The following ATF6 variants were observed in gnomAD, a reference collection of about 807,000 sequenced individuals.
The protein encoded by ATF6 is activating transcription factor 6.
Under a neutral mutation model 83.6 loss-of-function variants are expected in ATF6, and 53 were observed. The ratio of observed to expected loss-of-function variants is 0.63; its 90% CI spans 0.51 to 0.80. The LOEUF is 0.80. Ranked by LOEUF, ATF6 falls within the 30% of genes least tolerant of loss-of-function variation. The probability of loss-of-function intolerance (pLI) is 0.00; values close to 1 mark genes in which losing one functional copy is unlikely to be tolerated. For synonymous variants in ATF6, 288 were observed against 285.8 expected, an observed-to-expected ratio of 1.01 and a Z score of -0.08; for missense variants, 744 against 797.9, an observed-to-expected ratio of 0.93 and a Z score of 0.81.
intron 15 of ATF6, among the ~76,000 whole-genome samples, chr1:161,920,316 A>C (rs1449691744): frequency 3.3e-4 from 1 of 3,026 alleles, no homozygotes; most frequent in Non-Finnish European, 1.6e-3. Flanking sequence ...TTTTTTTGAG[A>C]CAGAGTCTCG....
chr1:161,793,929 A>G (rs1684944950), intron 6 of ATF6, among the ~76,000 whole-genome samples: 1 of 152,066 alleles, frequency 6.6e-6, no homozygotes, highest in Non-Finnish European at 1.5e-5. Context: ...TTTATTTGAG[A>G]CAGAGTCTCG....
intron 15 of ATF6, among the ~76,000 whole-genome samples, chr1:161,933,017 TC>T (rs1688464958): frequency 6.6e-6 from 1 of 152,202 alleles, no homozygotes; most frequent in Non-Finnish European, 1.5e-5. Flanking sequence ...AGCCATAGTA[TC>T]TTTGTAACCT....
intron 9 of ATF6, among the ~76,000 whole-genome samples, chr1:161,838,378 A>G (rs1686273648): frequency 6.6e-6 from 1 of 152,224 alleles, no homozygotes. Flanking sequence ...CTAAACGCTT[A>G]AGACAACAGC....
intron 14 of ATF6, among the ~76,000 whole-genome samples, chr1:161,882,885 A>G (rs1160828496): frequency 6.6e-6 from 1 of 151,916 alleles, no homozygotes; most frequent in African/African-American, 2.4e-5. Context: ...TTAACACATA[A>G]TAGGTATTCA....
At chr1:161,898,830 G>A (rs1417515228) in intron 14 of ATF6, among the ~76,000 whole-genome samples, 4 of 152,184 alleles carry the variant, frequency 2.6e-5, no homozygotes, top group Admixed American at 1.3e-4. Context: ...TTACAGGTGT[G>A]AGCCACCGTG....
At chr1:161,863,102 A>T (rs1686919240) in intron 13 of ATF6, 96 bp from the exon 14 acceptor site, 1 of 645,030 alleles carries the variant, frequency 1.6e-6, no homozygotes, top group African/African-American at 1.9e-5. Context: ...GTTGAGAGAG[A>T]TTCTTAGAAT....
intron 1 of ATF6, among the ~76,000 whole-genome samples, chr1:161,774,660 G>A (rs562031038): frequency 6.6e-6 from 1 of 152,078 alleles, no homozygotes; most frequent in East Asian, 1.9e-4. Context: ...CTATCCTCCT[G>A]CCTCCCAAAA....
intron 10 of ATF6, among the ~76,000 whole-genome samples, chr1:161,851,352 C>G (rs1408825533): frequency 6.6e-6 from 1 of 152,076 alleles, no homozygotes; most frequent in Non-Finnish European, 1.5e-5. Context: ...AGTCTGGTCA[C>G]ATAATACCAC....
At chr1:161,771,036 G>A (rs1341768588) in intron 1 of ATF6, among the ~76,000 whole-genome samples, 3 of 152,218 alleles carry the variant, frequency 2.0e-5, no homozygotes, top group Admixed American at 1.3e-4. Flanking sequence ...TCTAATAGGT[G>A]TGTAGTGGTA....
chr1:161,919,339 C>CT (rs1340161292), intron 15 of ATF6, among the ~76,000 whole-genome samples: 2 of 151,816 alleles, frequency 1.3e-5, no homozygotes, highest in African/African-American at 2.4e-5. Flanking sequence ...CTACTGATTT[C>CT]TTTTTTTTAA....
intron 4 of ATF6, among the ~76,000 whole-genome samples, chr1:161,784,906 A>C (rs1684712863): frequency 6.6e-6 from 1 of 152,192 alleles, no homozygotes; most frequent in Admixed American, 6.5e-5. Flanking sequence ...TGGAATCTTC[A>C]AAGAGAAATC....
chr1:161,824,956 T>G (rs972743707), intron 9 of ATF6, among the ~76,000 whole-genome samples: 1 of 152,224 alleles, frequency 6.6e-6, no homozygotes, highest in African/African-American at 2.4e-5. Context: ...AATGAAAAAC[T>G]TTTTGTTTAC....
intron 14 of ATF6, among the ~76,000 whole-genome samples, chr1:161,873,776 T>TC (rs1256461475): frequency 1.3e-5 from 2 of 151,494 alleles, no homozygotes; most frequent in Non-Finnish European, 3.0e-5. Flanking sequence ...TAAGTCTGTT[T>TC]CCCCTGCTAG....
intron 14 of ATF6, among the ~76,000 whole-genome samples, chr1:161,882,260 A>G (rs1417607193): frequency 6.6e-6 from 1 of 152,124 alleles, no homozygotes; most frequent in Non-Finnish European, 1.5e-5. Context: ...TACTGTAGAT[A>G]ATTATAACAA....
At chr1:161,845,866 G>A (rs1027684699) in intron 9 of ATF6, among the ~76,000 whole-genome samples, 4 of 151,950 alleles carry the variant, frequency 2.6e-5, no homozygotes. Flanking sequence ...CCTCTGAAGA[G>A]GATATACATT....
chr1:161,775,814 C>T (rs1684501822), intron 1 of ATF6, among the ~76,000 whole-genome samples: 1 of 152,032 alleles, frequency 6.6e-6, no homozygotes, highest in Non-Finnish European at 1.5e-5. Flanking sequence ...GATCTGGTCA[C>T]CCAGTATTTT....
intron 15 of ATF6, among the ~76,000 whole-genome samples, chr1:161,925,097 A>G (rs1006574854): frequency 3.3e-5 from 5 of 152,164 alleles, no homozygotes; most frequent in African/African-American, 4.8e-5. Flanking sequence ...TGTGTATACT[A>G]TATACCCTCT....
At chr1:161,877,874 T>G (rs1282166196) in intron 14 of ATF6, among the ~76,000 whole-genome samples, 1 of 152,152 alleles carries the variant, frequency 6.6e-6, no homozygotes, top group Non-Finnish European at 1.5e-5. Flanking sequence ...ATTAGATGTG[T>G]TCAGATTTCT....
At position 161,804,132 on chromosome 1, in the gene ATF6, G is replaced by T. The variant is rs1277455126; in HGVS notation, c.909+1860G>T. Among the ~76,000 whole-genome samples the T allele has an allele frequency of 2.6e-5, 4 of 151,604 alleles. No homozygotes were observed. The East Asian group carries it at 7.8e-4, about 29-fold the overall frequency. On this transcript the variant is annotated intron_variant, in intron 7 of 15. Transcript: ENST00000367942. ...CTTGCGATAGTTTACTGAGAATGAT[G>T]ATTTCCTTTTAATACTCTTTTAAAT...
Sources: gnomAD v4.1 joint callset for allele counts (sites outside exome capture counted in the v4.1 genomes callset) on GRCh38, gnomAD v4.1.1 for gene constraint, MANE v1.5 for transcripts, NCBI Gene and HGNC (gene_info 2026-07-23, HGNC 2026-07-21) for gene names.